MSRA: variants seen among roughly 807,000 people sequenced by gnomAD.
MSRA encodes mitochondrial peptide methionine sulfoxide reductase.
In MSRA, 54 loss-of-function variants were observed where a neutral mutation model predicts 31.3. The ratio of observed to expected loss-of-function variants is 1.73; its 90% CI spans 1.39 to 2.17. The LOEUF is 2.17. MSRA is among the 30% of genes most tolerant of loss of function. The pLI is 0.00. For missense variants in MSRA, 507 were observed against 300.9 expected, an observed-to-expected ratio of 1.69 and a Z score of -5.07; for synonymous variants, 169 against 116.5, an observed-to-expected ratio of 1.45 and a Z score of -2.90.
At chr8:10,270,188 T>C (rs971548390) in intron 3 of MSRA, among the ~76,000 whole-genome samples, 1 of 152,220 alleles carries the variant, frequency 6.6e-6, no homozygotes, top group African/African-American at 2.4e-5. Flanking sequence ...AAAATGTGTT[T>C]TATATATCTG....
chr8:10,206,017 A>G (rs1264285197), intron 1 of MSRA, among the ~76,000 whole-genome samples: 1 of 152,212 alleles, frequency 6.6e-6, no homozygotes, highest in Admixed American at 6.5e-5. Flanking sequence ...ATACTTTCAT[A>G]GATATTATGT....
chr8:10,199,759 C>G (rs1356882791), intron 1 of MSRA, among the ~76,000 whole-genome samples: 1 of 152,200 alleles, frequency 6.6e-6, no homozygotes, highest in African/African-American at 2.4e-5. Flanking sequence ...GTGTCCTCAT[C>G]CTTATTTCCT....
At chr8:10,125,329 C>G (rs1377697705) in intron 1 of MSRA, among the ~76,000 whole-genome samples, 1 of 152,114 alleles carries the variant, frequency 6.6e-6, no homozygotes, top group Admixed American at 6.5e-5. Flanking sequence ...TGTGGTGGCA[C>G]AGATCAAAAT....
intron 3 of MSRA, among the ~76,000 whole-genome samples, chr8:10,262,787 T>C (rs4841304): frequency 0.7 from 107,148 of 152,104 alleles, 38,112 homozygotes; most frequent in East Asian, 0.84. Context: ...TCTGTTAGTC[T>C]CAATATTCTC....
chr8:10,074,859 G>A (rs191629235), intron 1 of MSRA, among the ~76,000 whole-genome samples: 90 of 152,062 alleles, frequency 5.9e-4, no homozygotes, highest in African/African-American at 2.0e-3. Context: ...GGGGTTCACC[G>A]TGTTGGCCAG....
At chr8:10,134,813 G>T (rs1375526230) in intron 1 of MSRA, among the ~76,000 whole-genome samples, 3 of 152,232 alleles carry the variant, frequency 2.0e-5, no homozygotes, top group African/African-American at 7.2e-5. Flanking sequence ...GATTAAACAT[G>T]CCGTTGCATT....
At chr8:10,066,784 C>T (rs911021776) in intron 1 of MSRA, among the ~76,000 whole-genome samples, 2 of 152,134 alleles carry the variant, frequency 1.3e-5, no homozygotes, top group African/African-American at 4.8e-5. Flanking sequence ...ATCCGCCTAC[C>T]TCACCCTCCC....
At chr8:10,215,345 A>G (rs7012244) in intron 2 of MSRA, among the ~76,000 whole-genome samples, 32,886 of 152,158 alleles carry the variant, frequency 0.22, 3,982 homozygotes, top group East Asian at 0.43. Context: ...CATCTGTAAC[A>G]TGACAAGAAA....
intron 4 of MSRA, among the ~76,000 whole-genome samples, chr8:10,311,658 A>G (rs905757203): frequency 1.3e-5 from 2 of 152,226 alleles, no homozygotes; most frequent in Admixed American, 1.3e-4. Flanking sequence ...CACGTCTGTA[A>G]TACCAGCGTT....
chr8:10,252,637 G>C (rs1198568289), intron 3 of MSRA, among the ~76,000 whole-genome samples: 4 of 152,178 alleles, frequency 2.6e-5, no homozygotes, highest in Admixed American at 2.6e-4. Context: ...CTGCAAATTG[G>C]CTTCCTGGCC....
chr8:10,075,035 G>T (rs1797935495), intron 1 of MSRA, among the ~76,000 whole-genome samples: 1 of 152,108 alleles, frequency 6.6e-6, no homozygotes, highest in South Asian at 2.1e-4. Flanking sequence ...CCTTGCTTAG[G>T]AATTGCTAGC....
At chr8:10,253,850 T>C (rs76804002) in intron 3 of MSRA, among the ~76,000 whole-genome samples, 1 of 151,430 alleles carries the variant, frequency 6.6e-6, no homozygotes, top group African/African-American at 2.4e-5. Flanking sequence ...TAAAGGTTTC[T>C]TTTTTTTTTC....
intron 5 of MSRA, among the ~76,000 whole-genome samples, chr8:10,352,956 A>G (rs947982799): frequency 1.8e-4 from 28 of 151,808 alleles, no homozygotes; most frequent in African/African-American, 6.5e-4. Context: ...TCCATTGCCC[A>G]TCTGAACTGT....
chr8:10,246,302 G>T (rs897683081), intron 3 of MSRA, among the ~76,000 whole-genome samples: 9 of 152,192 alleles, frequency 5.9e-5, no homozygotes, highest in Non-Finnish European at 8.8e-5. Flanking sequence ...GTAGGCAGAT[G>T]CCCTCATGGC....
At chr8:10,192,998 A>G (rs1277773702) in intron 1 of MSRA, among the ~76,000 whole-genome samples, 1 of 152,242 alleles carries the variant, frequency 6.6e-6, no homozygotes, top group Admixed American at 6.5e-5. Context: ...AATAGTTTAC[A>G]TTTTGAGCTA....
chr8:10,338,917 G>C (rs1803233099), intron 5 of MSRA, among the ~76,000 whole-genome samples: 1 of 152,206 alleles, frequency 6.6e-6, no homozygotes, highest in Non-Finnish European at 1.5e-5. Flanking sequence ...TCCAGAAAAT[G>C]CTCTACAAAT....
chr8:10,388,611 A>G (rs1478607879), intron 5 of MSRA, among the ~76,000 whole-genome samples: 1 of 152,166 alleles, frequency 6.6e-6, no homozygotes, highest in Non-Finnish European at 1.5e-5. Flanking sequence ...CAGGAGGCCA[A>G]GAAACCTGCT....
At position 10,403,618 on chromosome 8, in the gene MSRA, G is replaced by A. The variant is rs186054648; in HGVS notation, c.544-24530G>A. ...GAAAAGCATTCCCCAACAGTCTCCA[G>A]CTTGTGCCTCGTGTGTGTCTGTGGC... On this transcript the variant is annotated intron_variant, in intron 5 of 5. Coordinates refer to ENST00000317173, the MANE Select transcript of MSRA (RefSeq NM_012331.5). 7.7e-4 allele frequency among the ~76,000 whole-genome samples: 118 copies of A among 152,372 alleles called. No individual in the cohort carries two copies. In the Middle Eastern group the frequency reaches 0.014, roughly 18 times the overall value.
chr8:10,245,062 T>C (rs1439543995), intron 2 of MSRA, 42 bp from the exon 3 acceptor site: 1 of 1,600,272 alleles, frequency 6.2e-7, no homozygotes, highest in Admixed American at 1.7e-5. Flanking sequence ...CACTTTGTTT[T>C]GAATAATCAG....
Sources: gnomAD v4.1 joint callset for allele counts (sites outside exome capture counted in the v4.1 genomes callset) on GRCh38, gnomAD v4.1.1 for gene constraint, MANE v1.5 for transcripts, NCBI Gene and HGNC (gene_info 2026-07-23, HGNC 2026-07-21) for gene names.